CFTR: variants seen among roughly 807,000 people sequenced by gnomAD.
CFTR encodes cystic fibrosis transmembrane conductance regulator.
A neutral mutation model predicts 171.6 loss-of-function variants in CFTR; 181 were observed. That is an observed-to-expected ratio of 1.05 (90% confidence interval 0.93 to 1.19). The LOEUF (loss-of-function observed/expected upper bound fraction) is 1.19. Among genes scored for constraint, CFTR ranks in the 50% most tolerant of loss-of-function variants. The pLI, the probability that CFTR is intolerant of heterozygous loss-of-function variation, is 0.00. For missense variants in CFTR, 1,968 were observed against 1,734.7 expected (o/e 1.13, Z -2.39); for synonymous variants, 583 against 608.0 (o/e 0.96, Z 0.60).
At chr7:117,555,450 C>T (rs35980778) in intron 10 of CFTR, among the ~76,000 whole-genome samples, 8 of 152,316 alleles carry the variant, frequency 5.3e-5, no homozygotes, top group African/African-American at 1.7e-4. Context: ...ATTTAAAACA[C>T]CACGTGATGC....
intron 1 of CFTR, among the ~76,000 whole-genome samples, chr7:117,482,792 C>T (rs2116608147): frequency 6.6e-6 from 1 of 152,118 alleles, no homozygotes; most frequent in Non-Finnish European, 1.5e-5. Context: ...TCTCTCATGC[C>T]CTGAATTTTT....
intron 11 of CFTR, among the ~76,000 whole-genome samples, chr7:117,561,408 A>G (rs1799461959): frequency 6.6e-6 from 1 of 152,028 alleles, no homozygotes; most frequent in Non-Finnish European, 1.5e-5. Flanking sequence ...TATCATCACC[A>G]TATTTTTGGC....
rs397508753 is a variant in CFTR, at chr7:117,534,344, C to G, written c.558C>G (p.Asn186Lys). ...GACAACTTGTTAGTCTCCTTTCCAA[C>G]AACCTGAACAAATTTGATGAAGTAT... is the stretch of plus-strand genomic sequence containing the variant. ...SIGQLVSLLS[N>K]NLNKFDEGLA... is the part of the protein sequence containing the mutation. Residue 186 changes from asparagine to lysine, a missense_variant, in exon 5 of 27, where the codon AAC becomes AAG. By Grantham distance (94) the Asn-to-Lys change is moderately conservative. Transcript: ENST00000003084. 6.3e-7 allele frequency: 1 copy of G among 1,582,562 alleles called. No homozygotes were observed. The highest frequency in any genetic ancestry group is 2.2e-5 in the East Asian group (1 of 44,662).
intron 1 of CFTR, among the ~76,000 whole-genome samples, chr7:117,482,986 C>T (rs1228803181): frequency 1.3e-5 from 2 of 152,184 alleles, no homozygotes; most frequent in Middle Eastern, 3.2e-3. Flanking sequence ...GTAAACTCTG[C>T]AGTTAGTCTC....
intron 1 of CFTR, among the ~76,000 whole-genome samples, chr7:117,502,442 T>A (rs1798346639): frequency 6.6e-6 from 1 of 152,254 alleles, no homozygotes; most frequent in Non-Finnish European, 1.5e-5. Context: ...CACGGGTTTT[T>A]ATTAGTAGTA....
At position 117,500,381 on chromosome 7, in the gene CFTR, G is replaced by A. The variant is rs1246329247; in HGVS notation, c.54-3872G>A. On this transcript the variant is annotated intron_variant, in intron 1 of 26. Transcript: ENST00000003084. ...GGCTCACTGCAACCTCCGCCTCCCA[G>A]GTTCAAGCAATTCTCCCACCTCAGC... Among the ~76,000 whole-genome samples the A allele has an allele frequency of 2.7e-5, 4 of 148,888 alleles. 1 individual carries two copies. The Admixed American group carries it at 2.7e-4, about 10-fold the overall frequency.
At chr7:117,505,101 A>G (rs915578040) in intron 2 of CFTR, among the ~76,000 whole-genome samples, 8 of 152,184 alleles carry the variant, frequency 5.3e-5, no homozygotes, top group African/African-American at 1.9e-4. Context: ...TGCCAGGTAG[A>G]ATATCTCCTC....
Position 117,540,079 on chromosome 7 carries a change from T to C in CFTR, c.870-21T>C, listed in dbSNP as rs766169135. On this transcript the variant is annotated intron_variant, in intron 7 of 26. Transcript: ENST00000003084. Reference sequence around the variant, plus strand: ...AAAAATAAAATAACATCCTGAATTTTATTGTTATTGTTTTTTATAGAACAG... The same window carrying C: ...AAAAATAAAATAACATCCTGAATTTCATTGTTATTGTTTTTTATAGAACAG... The C allele has an allele frequency of 8.7e-6, 14 of 1,600,176 alleles. No individual in the cohort carries two copies. The East Asian group carries it at 2.7e-4, about 31-fold the overall frequency.
intron 11 of CFTR, among the ~76,000 whole-genome samples, chr7:117,579,764 A>G (rs1562904276): frequency 6.6e-6 from 1 of 151,618 alleles, no homozygotes; most frequent in Non-Finnish European, 1.5e-5. Context: ...GAAAAGCCAG[A>G]AATGGATCTT....
chr7:117,648,254 G>C lies in CFTR; in HGVS notation c.3874-4588G>C, dbSNP rs6966254. ...AAAAACAGTCACACTTCCCACTTATGTAATTTATATTACATCCAGTCACCA... is the reference window on the plus strand; with the variant it reads ...AAAAACAGTCACACTTCCCACTTATCTAATTTATATTACATCCAGTCACCA... On this transcript the variant is annotated intron_variant, in intron 23 of 26. Coordinates refer to ENST00000003084, the MANE Select transcript of CFTR (RefSeq NM_000492.4). Among the ~76,000 whole-genome samples the C allele has an allele frequency of 9.8e-3, 1,485 of 151,752 alleles. 26 individuals are homozygous for C. The highest frequency in any genetic ancestry group is 0.034 in the African/African-American group (1,402 of 41,388).
rs776137464 is a variant in CFTR, at chr7:117,603,534, C to A, written c.2660C>A (p.Thr887Asn). ...SLVVLWLLGN[T>N]PLQDKGNSTH... ...ACGATTTCCTATTTGCTTTACAGCA[C>A]TCCTCTTCAAGACAAAGGGAATAGT... The change falls in exon 17 of 27, where the codon ACT becomes AAT. Residue 887 changes from threonine to asparagine, a missense_variant and splice_region_variant. Physicochemically the swap from Thr to Asn is moderately conservative, Grantham distance 65. Transcript: ENST00000003084. The A allele has an allele frequency of 6.2e-7, 1 of 1,613,888 alleles. No homozygotes were observed. The highest frequency in any genetic ancestry group is 8.5e-7 in the Non-Finnish European group (1 of 1,179,876).
intron 15 of CFTR, among the ~76,000 whole-genome samples, chr7:117,599,127 T>G (rs1395679955): frequency 6.6e-6 from 1 of 152,184 alleles, no homozygotes; most frequent in Non-Finnish European, 1.5e-5. Context: ...TATTTAAAAT[T>G]TACCACATTA....
intron 10 of CFTR, among the ~76,000 whole-genome samples, chr7:117,556,874 G>A (rs1314436011): frequency 6.6e-6 from 1 of 151,944 alleles, no homozygotes; most frequent in Non-Finnish European, 1.5e-5. Flanking sequence ...TTTTCTTCCT[G>A]ATTAGGTTTC....
At chr7:117,664,976 C>A (rs1793349554) in intron 25 of CFTR, 116 bp downstream of exon 25, 1 of 1,108,702 alleles carries the variant, frequency 9.0e-7, no homozygotes, top group Non-Finnish European at 1.4e-6. Context: ...GGGTCTCCCC[C>A]AAGATATGAA....
chr7:117,619,427 G>A (rs1792539358), intron 21 of CFTR, among the ~76,000 whole-genome samples: 1 of 152,186 alleles, frequency 6.6e-6, no homozygotes, highest in Non-Finnish European at 1.5e-5. Flanking sequence ...TTGTTGGAAA[G>A]AAGCCATTGA....
intron 23 of CFTR, among the ~76,000 whole-genome samples, chr7:117,646,726 G>A (rs1030733897): frequency 3.9e-5 from 6 of 152,176 alleles, no homozygotes; most frequent in Non-Finnish European, 7.4e-5. Flanking sequence ...ATGAAGTGAT[G>A]AGTCTGGAGT....
intron 10 of CFTR, among the ~76,000 whole-genome samples, chr7:117,549,657 G>T (rs973150231): frequency 6.6e-6 from 1 of 152,162 alleles, no homozygotes; most frequent in African/African-American, 2.4e-5. Flanking sequence ...TCTATAAAAT[G>T]GTTCCTTGTT....
At position 117,639,933 on chromosome 7, in the gene CFTR, T is replaced by G. The variant is rs965432649; in HGVS notation, c.3718-2505T>G. On this transcript the variant is annotated intron_variant, in intron 22 of 26. Transcript: ENST00000003084. ...AGGTAATGAAAAATAATTACAAGAGTCTTCCATCTGTTGCAGTATTAAAAT... is the reference window on the plus strand; with the variant it reads ...AGGTAATGAAAAATAATTACAAGAGGCTTCCATCTGTTGCAGTATTAAAAT... Among the ~76,000 whole-genome samples, 5 of 152,024 alleles carry G rather than the reference T, an allele frequency of 3.3e-5. No individual in the cohort carries two copies. In the East Asian group the frequency reaches 9.6e-4, roughly 29 times the overall value.
chr7:117,603,410 G>C (rs1792254250), intron 16 of CFTR, 122 bp from the exon 17 acceptor site: 1 of 994,050 alleles, frequency 1.0e-6, no homozygotes, highest in South Asian at 1.4e-5. Flanking sequence ...GGTTAAGGGT[G>C]CATGCTCTTC....
Sources: gnomAD v4.1 joint callset for allele counts (sites outside exome capture counted in the v4.1 genomes callset) on GRCh38, gnomAD v4.1.1 for gene constraint, MANE v1.5 for transcripts, NCBI Gene and HGNC (gene_info 2026-07-23, HGNC 2026-07-21) for gene names.